Variants in PDZD2 observed in about 807,000 individuals in gnomAD.
PDZD2 encodes PDZ domain-containing protein 2.
In PDZD2, 90 loss-of-function variants were observed where a neutral mutation model predicts 220.7. The ratio of observed to expected loss-of-function variants is 0.41; its 90% CI spans 0.34 to 0.49. The LOEUF is 0.49. Among genes scored for constraint, PDZD2 ranks in the 20% least tolerant of loss-of-function variants. The pLI, the probability that PDZD2 is intolerant of heterozygous loss-of-function variation, is 0.28. For missense variants in PDZD2, 3,174 were observed against 3,608.5 expected, an observed-to-expected ratio of 0.88 and a Z score of 3.08; for synonymous variants, 1,375 against 1,450.5, an observed-to-expected ratio of 0.95 and a Z score of 1.18.
Position 31,945,165 on chromosome 5 carries a change from C to T in PDZD2, c.477-37990C>T, listed in dbSNP as rs183165452. On this transcript the variant is annotated intron_variant, in intron 2 of 24. Transcript: ENST00000438447. ...CGCAGCCCAAGCAGCTCCAGAACCC[C>T]GAGATCTGACCGACTATGCCCTAAT... is the stretch of plus-strand genomic sequence containing the variant. 6.6e-5 allele frequency among the ~76,000 whole-genome samples: 10 copies of T among 152,298 alleles called. No individual in the cohort carries two copies. In the East Asian group the frequency reaches 1.2e-3, roughly 18 times the overall value.
chr5:32,066,442 T>C (rs1363840546), intron 14 of PDZD2, among the ~76,000 whole-genome samples: 6 of 152,208 alleles, frequency 3.9e-5, no homozygotes, highest in Admixed American at 2.0e-4. Context: ...TTTTTCTCCT[T>C]TCTATTCTGT....
chr5:32,098,843 A>C lies in PDZD2; in HGVS notation c.8218+209A>C, dbSNP rs567335316. The stretch of plus-strand genomic sequence containing the variant: ...AGAAAATTAGAAAAATCCCCCCAGT[A>C]GTTCAAGCTGTACTGTGGAAGATTT... On this transcript the variant is annotated intron_variant, in intron 23 of 24. Transcript: ENST00000438447. The surrounding 1 kb of genome is among the most constrained non-coding windows in gnomAD (Gnocchi z 4.1). Among the ~76,000 whole-genome samples, 1 of 152,260 alleles carries C rather than the reference A, an allele frequency of 6.6e-6. No homozygotes were observed. The highest frequency in any genetic ancestry group is 1.5e-5 in the Non-Finnish European group (1 of 68,044).
intron 1 of PDZD2, among the ~76,000 whole-genome samples, chr5:31,702,774 T>G (rs1747660243): frequency 6.6e-6 from 1 of 152,172 alleles, no homozygotes; most frequent in African/African-American, 2.4e-5. Flanking sequence ...GTCGAATGAG[T>G]GTGTTCCCTG....
rs573947166 is a variant in PDZD2 at position 31,690,377 on chromosome 5, C to A, written c.-361+50940C>A. Among the ~76,000 whole-genome samples the A allele has an allele frequency of 7.2e-5, 11 of 152,120 alleles. No homozygotes were observed. In the South Asian group the frequency reaches 2.3e-3, roughly 32 times the overall value. On this transcript the variant is annotated intron_variant, in intron 1 of 24. Coordinates refer to ENST00000438447, the MANE Select transcript of PDZD2 (RefSeq NM_178140.4). ...GCTTAGGAAGGGCCATGGCAGATGA[C>A]GAGGATGATGGTCAGGATGGTGTCC...
At chr5:31,947,749 G>A (rs1417449511) in intron 2 of PDZD2, among the ~76,000 whole-genome samples, 1 of 152,178 alleles carries the variant, frequency 6.6e-6, no homozygotes, top group Non-Finnish European at 1.5e-5. Flanking sequence ...CCTGGGAGGT[G>A]GAGGTTGCAG....
At position 31,863,646 on chromosome 5, in the gene PDZD2, C is replaced by T. The variant is rs115682532; in HGVS notation, c.476+63922C>T. Among the ~76,000 whole-genome samples the T allele has an allele frequency of 2.0e-3, 307 of 152,236 alleles. 1 individual carries two copies. The highest frequency in any genetic ancestry group is 7.0e-3 in the African/African-American group (290 of 41,528). On this transcript the variant is annotated intron_variant, in intron 2 of 24. Coordinates refer to ENST00000438447, the MANE Select transcript of PDZD2 (RefSeq NM_178140.4). The stretch of plus-strand genomic sequence containing the variant: ...GTGAGCTTGTGGGGATAGGGGATGA[C>T]GGAAAACTGTTAGAGACAATTTTGT...
chr5:31,880,791 C>CTTTTTTTTTTTTT (rs1037018187), intron 2 of PDZD2, among the ~76,000 whole-genome samples: 18 of 76,466 alleles, frequency 2.4e-4, no homozygotes, highest in Non-Finnish European at 3.1e-4. Context: ...TTTTTTTTTT[C>CTTTTTTTTTTTTT]TTTTTTTTTT....
At chr5:32,066,742 C>T (rs574181107) in intron 14 of PDZD2, among the ~76,000 whole-genome samples, 30 of 152,332 alleles carry the variant, frequency 2.0e-4, no homozygotes, top group Admixed American at 3.9e-4. Flanking sequence ...ATGATTTGTT[C>T]AGAGGTCTAG....
At position 31,990,358 on chromosome 5, in the gene PDZD2, G is replaced by T. The variant is rs142620633; in HGVS notation, c.979-5218G>T. Among the ~76,000 whole-genome samples the T allele has an allele frequency of 5.3e-5, 8 of 152,320 alleles. No individual in the cohort carries two copies. The East Asian group carries it at 1.5e-3, about 29-fold the overall frequency. On this transcript the variant is annotated intron_variant, in intron 3 of 24. Transcript: ENST00000438447. ...AGTAATTGGCAGTTTACAGGAAAGG[G>T]TAACACTCCAACAACATTAGTGCAG... is the stretch of plus-strand genomic sequence containing the variant.
chr5:31,899,954 GT>G (rs1438422720), intron 2 of PDZD2, among the ~76,000 whole-genome samples: 1 of 152,214 alleles, frequency 6.6e-6, no homozygotes, highest in Non-Finnish European at 1.5e-5. Flanking sequence ...AAGCCACCTA[GT>G]TTATAGTGTT....
intron 24 of PDZD2, among the ~76,000 whole-genome samples, chr5:32,102,089 C>T (rs1744300418): frequency 1.3e-5 from 2 of 152,116 alleles, no homozygotes; most frequent in South Asian, 4.1e-4. Flanking sequence ...CCTCTCTCCA[C>T]TCTTGACCTA....
In PDZD2 at chr5:31,983,500, G is replaced by A. The variant is rs34979478; in HGVS notation, c.822G>A (p.Lys274=). 3.2e-4 allele frequency: 516 copies of A among 1,614,130 alleles called. 1 individual carries two copies. The African/African-American group carries it at 6.4e-3, about 20-fold the overall frequency. Residue 274 remains lysine (K), a synonymous_variant, in exon 3 of 25, where the codon AAG becomes AAA. Coordinates refer to ENST00000438447, the MANE Select transcript of PDZD2 (RefSeq NM_178140.4). ...FQLENGPDSL[K]EVAGPHLERS... is the part of the protein sequence containing the mutation. ...TAGAAAATGGCCCAGATTCTCTCAA[G>A]GAGGTGGCTGGACCCCATCTAGAGA...
intron 3 of PDZD2, among the ~76,000 whole-genome samples, chr5:31,991,321 C>T (rs541236011): frequency 2.6e-5 from 4 of 152,134 alleles, no homozygotes; most frequent in South Asian, 4.2e-4. Flanking sequence ...GTCACTTTGA[C>T]GGGGGAGGTT....
chr5:32,067,857 T>C (rs575815750), intron 14 of PDZD2, among the ~76,000 whole-genome samples: 54 of 152,298 alleles, frequency 3.5e-4, no homozygotes, highest in African/African-American at 1.1e-3. Context: ...AGAAAACTTA[T>C]AGAAGCACTG....
chr5:31,774,712 TC>T (rs922018446), intron 1 of PDZD2, among the ~76,000 whole-genome samples: 2 of 148,970 alleles, frequency 1.3e-5, no homozygotes, highest in African/African-American at 5.0e-5. Flanking sequence ...AGAGCAAAAC[TC>T]CCTCTCAAAA....
At chr5:31,789,339 C>G (rs1561460967) in intron 1 of PDZD2, among the ~76,000 whole-genome samples, 1 of 152,226 alleles carries the variant, frequency 6.6e-6, no homozygotes, top group East Asian at 1.9e-4. Flanking sequence ...GCACTTGCTC[C>G]TCGAACATAG....
chr5:32,110,069 CTG>C lies in PDZD2; in HGVS notation c.*1935_*1936del, dbSNP rs1745233650. On this transcript the variant is annotated 3_prime_UTR_variant, in exon 25 of 25. Coordinates refer to ENST00000438447, the MANE Select transcript of PDZD2 (RefSeq NM_178140.4). ...ATATTGATTGATTGTTTTTCAGTCT[CTG>C]GGGTCAGTTTTGTGGTTTCTGCTTT... The C allele has an allele frequency of 1.3e-5, 2 of 152,634 alleles. No individual in the cohort carries two copies. Among genetic ancestry groups the C allele is most frequent in the South Asian group, 2.1e-4 (1 of 4,818 alleles). 9.5% of individuals were successfully genotyped at this position (152,634 alleles called of 1,614,324 possible). A position where few individuals can be genotyped will look rare whatever the true frequency, so the allele number is the denominator to read the frequency against.
In PDZD2 at chr5:31,968,282, C is replaced by T. The variant is rs147071226; in HGVS notation, c.477-14873C>T. ...TTGAGGTAGGAGAATGGCTTGAACC[C>T]GAGAGGCAGAGGTTGCAGTGAGCCG... On this transcript the variant is annotated intron_variant, in intron 2 of 24. Transcript: ENST00000438447. Among the ~76,000 whole-genome samples, 1,218 of 152,202 alleles carry T rather than the reference C, an allele frequency of 8.0e-3. 12 individuals carry two copies. Among genetic ancestry groups the T allele is most frequent in the Non-Finnish European group, 0.011 (737 of 68,012 alleles).
chr5:32,006,245 C>A (rs1281731778), intron 5 of PDZD2, among the ~76,000 whole-genome samples: 1 of 151,626 alleles, frequency 6.6e-6, no homozygotes, highest in Non-Finnish European at 1.5e-5. Flanking sequence ...AGTTTATTAC[C>A]TTTAGCTTAT....
Sources: allele counts gnomAD v4.1 joint callset (sites outside exome capture counted in the v4.1 genomes callset), GRCh38; gene constraint gnomAD v4.1.1; non-coding constraint Gnocchi (gnomAD v3.1); transcripts MANE v1.5; gene names NCBI Gene and HGNC (gene_info 2026-07-23, HGNC 2026-07-21).